Variants in DTNA observed in about 807,000 individuals in gnomAD.
DTNA encodes the protein dystrobrevin alpha.
In DTNA, 43 loss-of-function variants were observed where a neutral mutation model predicts 100.7. The ratio of observed to expected loss-of-function variants is 0.43; its 90% CI spans 0.33 to 0.55. The LOEUF (loss-of-function observed/expected upper bound fraction) is 0.55, where lower values mean the gene tolerates loss of function less well. Among genes scored for constraint, DTNA ranks in the 20% least tolerant of loss-of-function variants. DTNA has a pLI of 0.04. For synonymous variants in DTNA, 349 were observed against 347.9 expected, an observed-to-expected ratio of 1.00 and a Z score of -0.04; for missense variants, 798 against 953.9, an observed-to-expected ratio of 0.84 and a Z score of 2.15.
At chr18:34,719,200 G>T (rs2084727643) in intron 1 of DTNA, among the ~76,000 whole-genome samples, 1 of 151,920 alleles carries the variant, frequency 6.6e-6, no homozygotes, top group Non-Finnish European at 1.5e-5. Context: ...AACTAGCCAG[G>T]CATGGTGGTG....
chr18:34,773,530 A>T lies in DTNA; in HGVS notation c.148+7489A>T, dbSNP rs77032813. On this transcript the variant is annotated intron_variant, in intron 3 of 22. Transcript: ENST00000444659. ...ACTAACCCTTGGAGCACAATTATCT[A>T]TGTTAGTGTTGTTGCAAATGTTTTT... Among the ~76,000 whole-genome samples, 978 of 152,308 alleles carry T rather than the reference A, an allele frequency of 6.4e-3. 5 individuals carry two copies. Among genetic ancestry groups the T allele is most frequent in the African/African-American group, 0.023 (938 of 41,562 alleles).
chr18:34,564,310 T>A (rs556220369), intron 1 of DTNA, among the ~76,000 whole-genome samples: 2 of 152,086 alleles, frequency 1.3e-5, no homozygotes, highest in Non-Finnish European at 2.9e-5. Flanking sequence ...GTCCAGCTAC[T>A]TTTTTGTATT....
intron 1 of DTNA, among the ~76,000 whole-genome samples, chr18:34,517,504 A>T (rs529772020): frequency 8.7e-6 from 1 of 114,654 alleles, no homozygotes; most frequent in African/African-American, 3.2e-5. Flanking sequence ...GGTACATGCA[A>T]TGTTATCTCA....
intron 1 of DTNA, among the ~76,000 whole-genome samples, chr18:34,741,200 G>A (rs531645398): frequency 5.3e-5 from 8 of 152,002 alleles, no homozygotes; most frequent in Non-Finnish European, 1.0e-4. Flanking sequence ...TGGCTTTGGG[G>A]GATCATAAAG....
intron 1 of DTNA, chr18:34,558,232 C>T (rs1053582268): frequency 6.5e-6 from 1 of 153,168 alleles, no homozygotes; most frequent in African/African-American, 2.4e-5. Flanking sequence ...TCGGCTCACG[C>T]ACGGTGTGCG....
chr18:34,628,480 A>G (rs2057641975), intron 1 of DTNA, among the ~76,000 whole-genome samples: 2 of 152,242 alleles, frequency 1.3e-5, no homozygotes, highest in Non-Finnish European at 2.9e-5. Context: ...AGAAAGACTC[A>G]TATCCCTTGG....
chr18:34,748,681 C>A (rs1257682157), intron 1 of DTNA, among the ~76,000 whole-genome samples: 5 of 152,048 alleles, frequency 3.3e-5, no homozygotes, highest in Non-Finnish European at 1.5e-5. Context: ...ATTTTTATAC[C>A]AGTAATATAC....
intron 1 of DTNA, among the ~76,000 whole-genome samples, chr18:34,748,108 T>C (rs2091883724): frequency 6.6e-6 from 1 of 152,226 alleles, no homozygotes; most frequent in African/African-American, 2.4e-5. Context: ...ATATCTTCTT[T>C]TGAGAATTGT....
chr18:34,721,861 G>A (rs894609877), intron 1 of DTNA, among the ~76,000 whole-genome samples: 8 of 151,966 alleles, frequency 5.3e-5, no homozygotes, highest in African/African-American at 1.2e-4. Flanking sequence ...CTTGCCTATC[G>A]GAGACATAAA....
chr18:34,606,135 A>G (rs1024954221), intron 1 of DTNA, among the ~76,000 whole-genome samples: 3 of 152,148 alleles, frequency 2.0e-5, no homozygotes, highest in Admixed American at 1.3e-4. Context: ...AGTTCTGTGG[A>G]GGGGAAAAAT....
chr18:34,824,342 G>A (rs2095800922), intron 9 of DTNA, among the ~76,000 whole-genome samples: 1 of 152,124 alleles, frequency 6.6e-6, no homozygotes, highest in Non-Finnish European at 1.5e-5. Flanking sequence ...CGGGCGTGGT[G>A]GTGGGCGCCT....
At chr18:34,505,968 C>T (rs926995421) in intron 1 of DTNA, among the ~76,000 whole-genome samples, 4 of 152,132 alleles carry the variant, frequency 2.6e-5, no homozygotes, top group African/African-American at 9.7e-5. Flanking sequence ...TCTGATTTAG[C>T]CGAGTTCCAC....
chr18:34,773,229 C>T (rs930241892), intron 3 of DTNA, among the ~76,000 whole-genome samples: 3 of 152,150 alleles, frequency 2.0e-5, no homozygotes, highest in Admixed American at 2.0e-4. Context: ...TCACTGCAGC[C>T]CCTGGATTCA....
At chr18:34,570,568 T>C (rs2047490508) in intron 1 of DTNA, among the ~76,000 whole-genome samples, 1 of 152,220 alleles carries the variant, frequency 6.6e-6, no homozygotes, top group South Asian at 2.1e-4. Flanking sequence ...TTTTTCCTTG[T>C]CCCTGAATAC....
chr18:34,533,832 A>G (rs977631085), intron 1 of DTNA, among the ~76,000 whole-genome samples: 4 of 152,114 alleles, frequency 2.6e-5, no homozygotes, highest in Non-Finnish European at 5.9e-5. Context: ...ACAGATGGAA[A>G]TCTTATGACA....
chr18:34,882,153 C>T lies in DTNA; in HGVS notation c.2247C>T (p.Leu749=), dbSNP rs1568897758. ...NDSVRQLENE[L]QMEEYLKQKL... ...CTGTCCGGCAGCTGGAGAATGAGCTCCAGATGGAGGAATACCTGAAACAGA... is the reference window on the plus strand; with the variant it reads ...CTGTCCGGCAGCTGGAGAATGAGCTTCAGATGGAGGAATACCTGAAACAGA... Residue 749 remains leucine (L), a synonymous_variant, in exon 21 of 23, where the codon CTC becomes CTT. Transcript: ENST00000444659. 1.2e-6 allele frequency: 2 copies of T among 1,613,950 alleles called. No individual in the cohort carries two copies. Among genetic ancestry groups the T allele is most frequent in the East Asian group, 2.2e-5 (1 of 44,860 alleles).
intron 16 of DTNA, among the ~76,000 whole-genome samples, chr18:34,858,932 A>G (rs1244226576): frequency 4.6e-5 from 7 of 152,222 alleles, no homozygotes; most frequent in Admixed American, 4.6e-4. Flanking sequence ...TTACATCAAA[A>G]ACAACATATC....
chr18:34,701,513 A>G (rs763618478), intron 1 of DTNA, among the ~76,000 whole-genome samples: 8 of 152,008 alleles, frequency 5.3e-5, no homozygotes, highest in Non-Finnish European at 8.8e-5. Context: ...TTCTCTTCCC[A>G]GGACTTAAAA....
chr18:34,836,505 A>G (rs1457789225), intron 11 of DTNA, among the ~76,000 whole-genome samples: 1 of 152,014 alleles, frequency 6.6e-6, no homozygotes, highest in Non-Finnish European at 1.5e-5. Flanking sequence ...AAAATTAGCC[A>G]GGTGTGGTGG....
Sources: allele counts gnomAD v4.1 joint callset (sites outside exome capture counted in the v4.1 genomes callset), GRCh38; gene constraint gnomAD v4.1.1; transcripts MANE v1.5; gene names NCBI Gene and HGNC (gene_info 2026-07-23, HGNC 2026-07-21).